Variants in FCHO2 observed in about 807,000 individuals in gnomAD.
The protein encoded by FCHO2 is FCH and mu domain containing endocytic adaptor 2, also known as F-BAR domain only protein 2.
A neutral mutation model predicts 114.1 loss-of-function variants in FCHO2; 43 were observed. That is an observed-to-expected ratio of 0.38 (90% CI 0.30 to 0.49). The LOEUF (loss-of-function observed/expected upper bound fraction) is 0.49. Ranked by LOEUF, FCHO2 falls within the 20% of genes least tolerant of loss-of-function variation. FCHO2 has a pLI of 0.97. For missense variants in FCHO2, 807 were observed against 950.4 expected, an observed-to-expected ratio of 0.85 and a Z score of 1.98; for synonymous variants, 293 against 315.2, an observed-to-expected ratio of 0.93 and a Z score of 0.75.
At chr5:72,986,567 T>G (rs1277123695) in intron 2 of FCHO2, among the ~76,000 whole-genome samples, 1 of 152,232 alleles carries the variant, frequency 6.6e-6, no homozygotes, top group Non-Finnish European at 1.5e-5. Flanking sequence ...CTAATGCTTT[T>G]CAGTTACCTT....
intron 1 of FCHO2, among the ~76,000 whole-genome samples, chr5:72,965,496 A>C (rs1436183241): frequency 1.3e-5 from 2 of 152,238 alleles, no homozygotes; most frequent in Admixed American, 6.5e-5. Context: ...ATTTGTAAAA[A>C]TGCAGTATTT....
rs979310893 is a variant in FCHO2 at position 73,041,155 on chromosome 5, A to C, written c.915-136A>C. ...AATAATTTGGTATGTTTTAATCTTC[A>C]TGGTTTGATTTCTCTGAATATTTTT... On this transcript the variant is annotated intron_variant, in intron 10 of 25. Coordinates refer to ENST00000430046, the MANE Select transcript of FCHO2 (RefSeq NM_138782.3). 6 of 618,822 alleles carry C rather than the reference A, an allele frequency of 9.7e-6. No homozygotes were observed. The African/African-American group carries it at 1.1e-4, about 12-fold the overall frequency. 38.3% of individuals were successfully genotyped at this position (618,822 alleles called of 1,614,324 possible). A position where few individuals can be genotyped will look rare whatever the true frequency, so the allele number is the denominator to read the frequency against.
intron 6 of FCHO2, among the ~76,000 whole-genome samples, chr5:73,008,883 A>T (rs1288463959): frequency 2.0e-5 from 3 of 152,182 alleles, no homozygotes; most frequent in East Asian, 1.9e-4. Flanking sequence ...ATCTTTATTT[A>T]AAAAACAAGG....
chr5:72,997,507 C>G, intron 5 of FCHO2: 1 of 1,435,822 alleles, frequency 7.0e-7, no homozygotes. Flanking sequence ...CAGACAAGGC[C>G]ATCACCATCA....
Position 73,017,889 on chromosome 5 carries a change from A to G in FCHO2, c.796+581A>G, listed in dbSNP as rs957369840. ...TCCTGGCTCCTATTTTTATGAAAAAATGATTACAGAAGTTCAAATTCTACT... is the reference window on the plus strand; with the variant it reads ...TCCTGGCTCCTATTTTTATGAAAAAGTGATTACAGAAGTTCAAATTCTACT... On this transcript the variant is annotated intron_variant, in intron 8 of 25. Coordinates refer to ENST00000430046, the MANE Select transcript of FCHO2 (RefSeq NM_138782.3). Among the ~76,000 whole-genome samples, 4 of 152,286 alleles carry G rather than the reference A, an allele frequency of 2.6e-5. No individual in the cohort carries two copies. In the East Asian group the frequency reaches 7.7e-4, roughly 29 times the overall value.
intron 10 of FCHO2, among the ~76,000 whole-genome samples, chr5:73,038,562 G>A (rs1026842321): frequency 2.6e-5 from 4 of 152,086 alleles, no homozygotes; most frequent in African/African-American, 9.7e-5. Context: ...ATATTTGATG[G>A]GCACTCATAT....
intron 25 of FCHO2, 145 bp from the exon 26 acceptor site, chr5:73,087,923 A>G (rs1743366879): frequency 7.3e-7 from 1 of 1,370,740 alleles, no homozygotes; most frequent in South Asian, 1.3e-5. Flanking sequence ...TCTTACGGTC[A>G]GTATAGCTGA....
intron 6 of FCHO2, among the ~76,000 whole-genome samples, chr5:73,010,086 A>T (rs888429014): frequency 1.3e-5 from 2 of 152,056 alleles, no homozygotes; most frequent in Admixed American, 6.6e-5. Flanking sequence ...TAATCCTTTT[A>T]CTTCTCCACT....
intron 2 of FCHO2, among the ~76,000 whole-genome samples, chr5:72,970,064 GTT>G (rs1194416799): frequency 1.3e-5 from 2 of 152,146 alleles, no homozygotes; most frequent in African/African-American, 2.4e-5. Flanking sequence ...AGTTGTTCTT[GTT>G]TTCCTGCAAC....
chr5:73,007,955 C>T (rs565110502), intron 6 of FCHO2, among the ~76,000 whole-genome samples: 3 of 152,024 alleles, frequency 2.0e-5, no homozygotes, highest in African/African-American at 4.8e-5. Flanking sequence ...AGGGCAAGAG[C>T]GTTACAGGCT....
At chr5:72,961,182 C>A (rs2112581599) in intron 1 of FCHO2, among the ~76,000 whole-genome samples, 1 of 152,106 alleles carries the variant, frequency 6.6e-6, no homozygotes, top group African/African-American at 2.4e-5. Flanking sequence ...TCTGGAATTG[C>A]TATTAATAGG....
At chr5:73,056,779 T>C (rs973624026) in intron 16 of FCHO2, among the ~76,000 whole-genome samples, 1 of 152,110 alleles carries the variant, frequency 6.6e-6, no homozygotes, top group African/African-American at 2.4e-5. Flanking sequence ...GACTGTGACG[T>C]TATAAAATAA....
At chr5:72,960,206 C>A (rs1433356140) in intron 1 of FCHO2, among the ~76,000 whole-genome samples, 1 of 152,220 alleles carries the variant, frequency 6.6e-6, no homozygotes, top group Non-Finnish European at 1.5e-5. Flanking sequence ...TCTTCAAGCT[C>A]TTTTGAAAGC....
chr5:73,003,366 A>G (rs530717362), intron 5 of FCHO2, among the ~76,000 whole-genome samples: 1 of 152,104 alleles, frequency 6.6e-6, no homozygotes, highest in African/African-American at 2.4e-5. Flanking sequence ...TTGTAGAGAC[A>G]GGGTCTCACT....
intron 6 of FCHO2, among the ~76,000 whole-genome samples, chr5:73,013,591 G>A (rs191975228): frequency 3.5e-4 from 53 of 152,310 alleles, no homozygotes; most frequent in African/African-American, 1.1e-3. Flanking sequence ...AAAAACAAAA[G>A]TGTTGTAAGG....
chr5:72,993,672 A>G (rs1252834273), intron 5 of FCHO2, among the ~76,000 whole-genome samples: 1 of 152,214 alleles, frequency 6.6e-6, no homozygotes, highest in Non-Finnish European at 1.5e-5. Context: ...TGCCTGTACA[A>G]ACTTCGTTGC....
intron 2 of FCHO2, among the ~76,000 whole-genome samples, chr5:72,978,411 T>C (rs1001779990): frequency 6.6e-6 from 1 of 152,198 alleles, no homozygotes; most frequent in Non-Finnish European, 1.5e-5. Flanking sequence ...TCTCTGTTTG[T>C]CTATTATTGG....
chr5:73,027,329 A>G (rs1269658237), intron 8 of FCHO2, among the ~76,000 whole-genome samples: 8 of 148,966 alleles, frequency 5.4e-5, no homozygotes, highest in Admixed American at 1.3e-4. Context: ...CCATTTATAT[A>G]TATACATATA....
intron 2 of FCHO2, among the ~76,000 whole-genome samples, chr5:72,972,716 T>C (rs1752628339): frequency 6.6e-6 from 1 of 152,180 alleles, no homozygotes; most frequent in Non-Finnish European, 1.5e-5. Flanking sequence ...CTAATTGCCC[T>C]GGCTAGAACT....
Sources: gnomAD v4.1 joint callset for allele counts (sites outside exome capture counted in the v4.1 genomes callset) on GRCh38, gnomAD v4.1.1 for gene constraint, MANE v1.5 for transcripts, NCBI Gene and HGNC (gene_info 2026-07-23, HGNC 2026-07-21) for gene names.